The following SLC36A1 variants were observed in gnomAD, a reference collection of about 807,000 sequenced individuals.
SLC36A1 encodes proton-coupled amino acid transporter 1.
Under a neutral mutation model 47.5 loss-of-function variants are expected in SLC36A1, and 30 were observed. The observed-to-expected ratio is 0.63, with a 90% CI of 0.47 to 0.86. SLC36A1 has a LOEUF of 0.86. Among genes scored for constraint, SLC36A1 ranks in the 40% least tolerant of loss-of-function variants. The probability of loss-of-function intolerance (pLI) is 0.00; values close to 1 mark genes in which losing one functional copy is unlikely to be tolerated. For missense variants in SLC36A1, 517 were observed against 606.0 expected, an observed-to-expected ratio of 0.85 and a Z score of 1.54; for synonymous variants, 255 against 249.7, an observed-to-expected ratio of 1.02 and a Z score of -0.20.
At chr5:151,496,482 T>C (rs1027757368), downstream of SLC36A1, among the ~76,000 whole-genome samples, 11 of 152,380 alleles carry the variant, frequency 7.2e-5, no homozygotes, top group Admixed American at 3.3e-4. Flanking sequence ...ATTTTGCTAC[T>C]CCAGCAACAA....
At chr5:151,456,194 A>G (rs1179436701) in intron 1 of SLC36A1, among the ~76,000 whole-genome samples, 1 of 152,130 alleles carries the variant, frequency 6.6e-6, no homozygotes, top group African/African-American at 2.4e-5. Context: ...TTTTCAGTAG[A>G]GGCAGGGTCT....
chr5:151,519,238 C>A, the SLC36A1 span, among the ~76,000 whole-genome samples: 1 of 152,126 alleles, frequency 6.6e-6, no homozygotes, highest in African/African-American at 2.4e-5. Flanking sequence ...CAGCTACTCA[C>A]GAGGCTGAGG....
chr5:151,500,890 T>G, the SLC36A1 span, among the ~76,000 whole-genome samples: 3 of 152,180 alleles, frequency 2.0e-5, no homozygotes, highest in African/African-American at 7.2e-5. Flanking sequence ...AACTGGTCCT[T>G]GATCCCAGAG....
chr5:151,521,763 G>T, the SLC36A1 span: 2 of 1,614,116 alleles, frequency 1.2e-6, no homozygotes, highest in Admixed American at 3.3e-5. Flanking sequence ...CAGCAGTCGT[G>T]GTGAAGGTCC....
At chr5:151,407,731 G>T in the SLC36A1 span, among the ~76,000 whole-genome samples, 1 of 152,164 alleles carries the variant, frequency 6.6e-6, no homozygotes, top group Non-Finnish European at 1.5e-5. Context: ...TTGGCCTTCT[G>T]CCCTCTGCCA....
chr5:151,504,396 C>CTACA, the SLC36A1 span: 1 of 152,684 alleles, frequency 6.5e-6, no homozygotes, highest in Non-Finnish European at 1.5e-5. Flanking sequence ...CCACTCCTGG[C>CTACA]TACATACACT....
the SLC36A1 span, chr5:151,505,485 A>T: frequency 4.5e-6 from 7 of 1,556,714 alleles, no homozygotes; most frequent in Admixed American, 1.3e-4. Context: ...GCCACACTCA[A>T]CTCACCCCCT....
At chr5:151,458,341 TTA>T (rs1276185493) in intron 1 of SLC36A1, among the ~76,000 whole-genome samples, 17 of 108,434 alleles carry the variant, frequency 1.6e-4, no homozygotes, top group African/African-American at 3.2e-4. Context: ...TATGGGATAT[TTA>T]TATATATATA....
downstream of SLC36A1, among the ~76,000 whole-genome samples, chr5:151,497,054 C>G (rs1760364921): frequency 6.6e-6 from 1 of 152,148 alleles, no homozygotes; most frequent in African/African-American, 2.4e-5. Context: ...ACCATGTTGT[C>G]TGCAAATAGA....
At position 151,473,174 on chromosome 5, in the gene SLC36A1, CTAGATAGATAGATAGA is replaced by C. The variant is rs71575106; in HGVS notation, c.724-462_724-447del. Among the ~76,000 whole-genome samples, 693 of 132,036 alleles carry C rather than the reference CTAGATAGATAGATAGA, an allele frequency of 5.2e-3. 4 individuals carry two copies. The highest frequency in any genetic ancestry group is 0.017 in the African/African-American group (611 of 36,026). The allele number at this position is 132,036 out of a possible 152,430, so 86.6% of individuals were successfully genotyped here. A position where few individuals can be genotyped will look rare whatever the true frequency, so the allele number is the denominator to read the frequency against. On this transcript the variant is annotated intron_variant, in intron 7 of 10. Transcript: ENST00000243389. Reference sequence around the variant, plus strand: ...TGGGTGACAGAAGGAGACTCTGTCTCTAGATAGATAGATAGATAGATAGATAGATAGATAGATAGAT... The same window carrying C: ...TGGGTGACAGAAGGAGACTCTGTCTCTAGATAGATAGATAGATAGATAGAT...
chr5:151,482,429 A>T (rs1394973479), intron 10 of SLC36A1, among the ~76,000 whole-genome samples: 2 of 152,226 alleles, frequency 1.3e-5, no homozygotes, highest in Non-Finnish European at 2.9e-5. Context: ...TTCTACACAA[A>T]TATTACTCTA....
At chr5:151,419,684 T>C in the SLC36A1 span, among the ~76,000 whole-genome samples, 1 of 152,222 alleles carries the variant, frequency 6.6e-6, no homozygotes, top group Non-Finnish European at 1.5e-5. Context: ...GCTGAAGTAT[T>C]TGCATTTCTA....
the SLC36A1 span, chr5:151,347,273 G>C: frequency 3.8e-5 from 62 of 1,613,830 alleles, no homozygotes; most frequent in Non-Finnish European, 4.7e-5. Context: ...AGCAGAAATA[G>C]GGATGGCAGA....
chr5:151,429,430 T>C, the SLC36A1 span, among the ~76,000 whole-genome samples: 25 of 145,544 alleles, frequency 1.7e-4, no homozygotes, highest in Non-Finnish European at 1.9e-4. Context: ...TTCCCACCTA[T>C]GAGTGAGAAC....
At chr5:151,538,028 A>T in the SLC36A1 span, 4 of 1,278,726 alleles carry the variant, frequency 3.1e-6, no homozygotes, top group Non-Finnish European at 4.4e-6. Context: ...TGACTGAGGG[A>T]GGCAGAAGCA....
At chr5:151,522,076 C>T in the SLC36A1 span, 10 of 1,589,348 alleles carry the variant, frequency 6.3e-6, no homozygotes, top group Non-Finnish European at 6.9e-6. Flanking sequence ...AGGGATGCCA[C>T]TGTCTGACGC....
At chr5:151,532,872 G>A in the SLC36A1 span, among the ~76,000 whole-genome samples, 1 of 152,220 alleles carries the variant, frequency 6.6e-6, no homozygotes, top group African/African-American at 2.4e-5. Context: ...TTCTCTGGTG[G>A]AATGGTGACA....
chr5:151,430,323 C>A, the SLC36A1 span, among the ~76,000 whole-genome samples: 2 of 112,242 alleles, frequency 1.8e-5, no homozygotes, highest in Non-Finnish European at 3.5e-5. Context: ...CGCCACCACA[C>A]CTGGCTAATT....
chr5:151,521,681 G>A, the SLC36A1 span: 90 of 1,613,974 alleles, frequency 5.6e-5, no homozygotes, highest in Admixed American at 1.5e-4. Context: ...TCGGGGGTGA[G>A]CTGGTAGAAG....
Sources: gnomAD v4.1 joint callset for allele counts (sites outside exome capture counted in the v4.1 genomes callset) on GRCh38, gnomAD v4.1.1 for gene constraint, MANE v1.5 for transcripts, NCBI Gene and HGNC (gene_info 2026-07-23, HGNC 2026-07-21) for gene names.